CSMD3: variants seen among roughly 807,000 people sequenced by gnomAD.
The protein encoded by CSMD3 is CUB and sushi domain-containing protein 3.
In CSMD3, 177 loss-of-function variants were observed where a neutral mutation model predicts 435.2. The ratio of observed to expected loss-of-function variants is 0.41; its 90% confidence interval spans 0.36 to 0.46. CSMD3 has a LOEUF of 0.46. Among genes scored for constraint, CSMD3 ranks in the 20% least tolerant of loss-of-function variants. CSMD3 has a pLI of 0.34. For synonymous variants in CSMD3, 1,656 were observed against 1,520.5 expected (o/e 1.09, Z -2.07); for missense variants, 4,265 against 4,504.6 (o/e 0.95, Z 1.52).
chr8:112,996,812 AATC>A lies in CSMD3; in HGVS notation c.1031-20667_1031-20665del, dbSNP rs1189830896. Among the ~76,000 whole-genome samples, 15 of 151,818 alleles carry A rather than the reference AATC, an allele frequency of 9.9e-5. No individual in the cohort carries two copies. In the South Asian group the frequency reaches 2.1e-3, roughly 21 times the overall value. Reference sequence around the variant, plus strand: ...TAAATTTATTATTCTAGATTATAAAAATCAATATATTAGTATTTCTGAATTCTG... The same window carrying A: ...TAAATTTATTATTCTAGATTATAAAAAATATATTAGTATTTCTGAATTCTG... On this transcript the variant is annotated intron_variant, in intron 6 of 70. Coordinates refer to ENST00000297405, the MANE Select transcript of CSMD3 (RefSeq NM_198123.2).
chr8:112,301,874 A>G lies in CSMD3; in HGVS notation c.8359T>C (p.Leu2787=), dbSNP rs770342650. ...YGSTAIFTCD[L]GFMLVGSAVR... is the part of the protein sequence containing the mutation. ...GCAGAGCCCACAAGCATGAATCCCA[A>G]GTCGCAGGTAAAGATAGCTGTTGAG... The change falls in exon 53 of 71, where the codon TTG becomes CTG. Residue 2787 remains leucine, a synonymous_variant. Coordinates refer to ENST00000297405, the MANE Select transcript of CSMD3 (RefSeq NM_198123.2). The G allele has an allele frequency of 5.6e-6, 9 of 1,613,710 alleles. No individual in the cohort carries two copies. Among genetic ancestry groups the G allele is most frequent in the Non-Finnish European group, 7.6e-6 (9 of 1,179,766 alleles).
intron 13 of CSMD3, among the ~76,000 whole-genome samples, chr8:112,767,254 A>T (rs2078002311): frequency 3.9e-5 from 6 of 151,922 alleles, no homozygotes; most frequent in Admixed American, 3.9e-4. Context: ...CAATAATTTG[A>T]CATTGGGCTA....
In CSMD3 at chr8:113,328,425, G is replaced by A. The variant is rs1454513136; in HGVS notation, c.179-13632C>T. On this transcript the variant is annotated intron_variant, in intron 1 of 70. Coordinates refer to ENST00000297405, the MANE Select transcript of CSMD3 (RefSeq NM_198123.2). ...TGCACTCCAGCCTGGGCGACAGAGC[G>A]AGACTCCGTCTCAAAAAAAAAAAAA... Among the ~76,000 whole-genome samples the A allele has an allele frequency of 4.5e-3, 658 of 145,768 alleles. 8 individuals are homozygous for A. The highest frequency in any genetic ancestry group is 0.016 in the African/African-American group (636 of 39,024).
chr8:113,122,740 C>A (rs1171625613), intron 4 of CSMD3, among the ~76,000 whole-genome samples: 1 of 152,048 alleles, frequency 6.6e-6, no homozygotes, highest in African/African-American at 2.4e-5. Context: ...CTGATAACAC[C>A]TTGCTTTTAG....
chr8:112,329,967 C>T lies in CSMD3; in HGVS notation c.7165+5362G>A, dbSNP rs143412797. Among the ~76,000 whole-genome samples, 6 of 152,094 alleles carry T rather than the reference C, an allele frequency of 3.9e-5. No individual in the cohort carries two copies. The South Asian group carries it at 8.3e-4, about 21-fold the overall frequency. On this transcript the variant is annotated intron_variant, in intron 45 of 70. Coordinates refer to ENST00000297405, the MANE Select transcript of CSMD3 (RefSeq NM_198123.2). ...ACATACACACACATACATTATTACA[C>T]GATGTCCATACCCCCGTTCTCTCTG... is the stretch of plus-strand genomic sequence containing the variant.
At chr8:112,587,629 C>T (rs760535133) in intron 22 of CSMD3, among the ~76,000 whole-genome samples, 1 of 151,846 alleles carries the variant, frequency 6.6e-6, no homozygotes, top group Non-Finnish European at 1.5e-5. Flanking sequence ...CTAACTTCAT[C>T]TTTTAAAACA....
chr8:112,947,597 G>GTGTTCT (rs2130796479), intron 9 of CSMD3, among the ~76,000 whole-genome samples, 193 bp downstream of exon 9: 1 of 151,598 alleles, frequency 6.6e-6, no homozygotes, highest in Non-Finnish European at 1.5e-5. Context: ...TAAAAAAAAA[G>GTGTTCT]TGTTCTAATA....
chr8:113,100,114 A>G (rs1160460883), intron 4 of CSMD3, among the ~76,000 whole-genome samples: 1 of 152,066 alleles, frequency 6.6e-6, no homozygotes, highest in East Asian at 1.9e-4. Context: ...ATATGCATCA[A>G]ATAGTATTAG....
intron 22 of CSMD3, among the ~76,000 whole-genome samples, chr8:112,635,394 A>C (rs1378139795): frequency 6.6e-6 from 1 of 152,104 alleles, no homozygotes; most frequent in Non-Finnish European, 1.5e-5. Context: ...GACTATTCCA[A>C]AGGTTTCATT....
intron 1 of CSMD3, among the ~76,000 whole-genome samples, chr8:113,386,753 TA>T (rs1403325534): frequency 6.6e-6 from 1 of 151,836 alleles, no homozygotes; most frequent in Non-Finnish European, 1.5e-5. Flanking sequence ...CAGTGGTTAT[TA>T]AATAAGATTA....
intron 5 of CSMD3, among the ~76,000 whole-genome samples, chr8:113,091,885 G>GT (rs1284715275): frequency 2.6e-4 from 40 of 151,866 alleles, no homozygotes; most frequent in African/African-American, 9.2e-4. Context: ...TTTATTTGAA[G>GT]TTTTTCTTTT....
intron 22 of CSMD3, among the ~76,000 whole-genome samples, chr8:112,612,402 T>C (rs991937038): frequency 5.3e-5 from 8 of 152,160 alleles, no homozygotes. Flanking sequence ...ATTGTAGCTT[T>C]GCATTCTCGT....
Position 112,636,909 on chromosome 8 carries a change from C to T in CSMD3, c.3623G>A (p.Cys1208Tyr), listed in dbSNP as rs2131581226. 6.2e-7 allele frequency: 1 copy of T among 1,613,478 alleles called. No homozygotes were observed. Among genetic ancestry groups the T allele is most frequent in the Non-Finnish European group, 8.5e-7 (1 of 1,179,726 alleles). The change falls in exon 22 of 71, where the codon TGC (cysteine) becomes TAC (tyrosine). Residue 1208 changes from cysteine (C) to tyrosine (Y), a missense_variant. Physicochemically the swap from Cys to Tyr is radical, Grantham distance 194. This residue lies in a region of CSMD3 where 3,255 missense variants were observed against 3,380.2 expected (regional missense o/e 0.96). Transcript: ENST00000297405. Reference protein sequence around the residue: ...FGIGDTLTFSCSSGYRLEGTS... With the variant: ...FGIGDTLTFSYSSGYRLEGTS... ...TCCTTCCAGTCGATAACCCGAAGAG[C>T]ATGAGAAGGTCAGAGTGTCACCAAT...
intron 3 of CSMD3, among the ~76,000 whole-genome samples, chr8:113,252,842 G>A (rs985812484): frequency 6.6e-6 from 1 of 152,072 alleles, no homozygotes; most frequent in Non-Finnish European, 1.5e-5. Context: ...TTTGACACTA[G>A]ATCTCTAGAT....
In CSMD3 at chr8:112,573,622, T is replaced by C; in HGVS notation, c.3921A>G (p.Leu1307=). The change falls in exon 24 of 71, where the codon CTA becomes CTG. Residue 1307 remains leucine, a synonymous_variant. Coordinates refer to ENST00000297405, the MANE Select transcript of CSMD3 (RefSeq NM_198123.2). ...GCATAGATGCACCAGTAAAAGCACC[T>C]AGTAGATGAGTCGTTTTATCTTTTC... ...YDGKDKTTHL[L]GAFTGASMRG... is the part of the protein sequence containing the mutation. 1 of 1,612,794 alleles carries C rather than the reference T, an allele frequency of 6.2e-7. No homozygotes were observed. Among genetic ancestry groups the C allele is most frequent in the East Asian group, 2.2e-5 (1 of 44,796 alleles).
At chr8:113,074,918 C>T (rs1169460593) in intron 5 of CSMD3, among the ~76,000 whole-genome samples, 1 of 151,630 alleles carries the variant, frequency 6.6e-6, no homozygotes, top group Middle Eastern at 3.2e-3. Flanking sequence ...AACATTATGT[C>T]GTATCCAGAC....
intron 3 of CSMD3, among the ~76,000 whole-genome samples, chr8:113,248,204 C>T (rs970512227): frequency 1.3e-5 from 2 of 151,612 alleles, no homozygotes; most frequent in African/African-American, 2.4e-5. Flanking sequence ...TGAACTGGCT[C>T]TCGTTAGTAA....
chr8:113,113,350 A>G (rs1462224834), intron 4 of CSMD3, among the ~76,000 whole-genome samples: 1 of 152,230 alleles, frequency 6.6e-6, no homozygotes, highest in African/African-American at 2.4e-5. Flanking sequence ...AAATACAGCA[A>G]TGAACATAGT....
chr8:113,086,300 C>T (rs1010695019), intron 5 of CSMD3, among the ~76,000 whole-genome samples: 1 of 151,202 alleles, frequency 6.6e-6, no homozygotes, highest in Non-Finnish European at 1.5e-5. Context: ...CCTGATAACG[C>T]CCCATCCTGT....
Sources: gnomAD v4.1 joint callset for allele counts (sites outside exome capture counted in the v4.1 genomes callset) on GRCh38, gnomAD v4.1.1 for gene constraint, gnomAD v4.1.1 regional missense constraint, MANE v1.5 for transcripts, NCBI Gene and HGNC (gene_info 2026-07-23, HGNC 2026-07-21) for gene names.